Variants in CCDC85A observed in about 807,000 individuals in gnomAD.
CCDC85A encodes the protein coiled-coil domain-containing protein 85A.
In CCDC85A, 38 loss-of-function variants were observed where a neutral mutation model predicts 50.2. That is an observed-to-expected ratio of 0.76 (90% CI 0.58 to 0.99). CCDC85A has a LOEUF of 0.99. Ranked by LOEUF, CCDC85A falls within the 50% of genes least tolerant of loss-of-function variation. The pLI is 0.00. For missense variants in CCDC85A, 820 were observed against 742.0 expected (o/e 1.11, Z -1.22); for synonymous variants, 366 against 301.4 (o/e 1.21, Z -2.22).
chr2:56,344,125 A>G (rs575387961), intron 3 of CCDC85A, among the ~76,000 whole-genome samples: 29 of 152,286 alleles, frequency 1.9e-4, no homozygotes, highest in African/African-American at 6.7e-4. Context: ...GATGCCTGAA[A>G]CCACGGATAG....
At chr2:56,365,986 A>T (rs955937973) in intron 3 of CCDC85A, among the ~76,000 whole-genome samples, 1 of 152,056 alleles carries the variant, frequency 6.6e-6, no homozygotes, top group Non-Finnish European at 1.5e-5. Flanking sequence ...TTAAGATTTC[A>T]TATATGAGTA....
At chr2:56,232,329 T>C (rs1177157698) in intron 2 of CCDC85A, among the ~76,000 whole-genome samples, 1 of 152,134 alleles carries the variant, frequency 6.6e-6, no homozygotes, top group Non-Finnish European at 1.5e-5. Flanking sequence ...ATGGTACCGC[T>C]CAATTGTTCA....
At chr2:56,223,059 T>C (rs781005068) in intron 2 of CCDC85A, among the ~76,000 whole-genome samples, 83 of 152,158 alleles carry the variant, frequency 5.5e-4, no homozygotes, top group Non-Finnish European at 1.1e-3. Flanking sequence ...TGAAAAAGCA[T>C]GTATTTAAGA....
intron 5 of CCDC85A, among the ~76,000 whole-genome samples, chr2:56,379,304 C>T (rs1676476560): frequency 6.6e-6 from 1 of 152,156 alleles, no homozygotes; most frequent in Non-Finnish European, 1.5e-5. Context: ...TGACCAGTTT[C>T]ACCTGTCACT....
chr2:56,243,772 T>A (rs1669376450), intron 2 of CCDC85A, among the ~76,000 whole-genome samples: 1 of 152,184 alleles, frequency 6.6e-6, no homozygotes, highest in South Asian at 2.1e-4. Flanking sequence ...GTACCTATCC[T>A]TCTTAGGAAG....
At chr2:56,246,124 A>G (rs2103978629) in intron 2 of CCDC85A, among the ~76,000 whole-genome samples, 1 of 152,226 alleles carries the variant, frequency 6.6e-6, no homozygotes, top group East Asian at 1.9e-4. Context: ...GGGTTTCACC[A>G]TGTTGGTCAG....
At chr2:56,290,362 G>C (rs1671647519) in intron 2 of CCDC85A, among the ~76,000 whole-genome samples, 1 of 151,826 alleles carries the variant, frequency 6.6e-6, no homozygotes, top group African/African-American at 2.4e-5. Context: ...ATGAATATCT[G>C]TCATTTATAG....
chr2:56,200,677 T>G (rs1676696287), intron 2 of CCDC85A, among the ~76,000 whole-genome samples: 1 of 151,960 alleles, frequency 6.6e-6, no homozygotes. Context: ...GGCAGAGGAG[T>G]AGCAGGTTAC....
chr2:56,329,227 C>T (rs1400410557), intron 2 of CCDC85A, among the ~76,000 whole-genome samples: 1 of 152,148 alleles, frequency 6.6e-6, no homozygotes, highest in Admixed American at 6.5e-5. Flanking sequence ...AAAGCTCATT[C>T]CCAAATGTTT....
At chr2:56,294,922 T>G (rs1037528249) in intron 2 of CCDC85A, among the ~76,000 whole-genome samples, 1 of 152,172 alleles carries the variant, frequency 6.6e-6, no homozygotes, top group Non-Finnish European at 1.5e-5. Context: ...GTGGTATTAG[T>G]AAGTAGTAAT....
intron 3 of CCDC85A, among the ~76,000 whole-genome samples, chr2:56,371,449 A>C (rs2104389905): frequency 6.6e-6 from 1 of 152,156 alleles, no homozygotes; most frequent in Non-Finnish European, 1.5e-5. Flanking sequence ...TCTAAAGTCA[A>C]CCTCAACATT....
intron 2 of CCDC85A, among the ~76,000 whole-genome samples, chr2:56,297,584 C>T (rs1000962663): frequency 6.6e-6 from 1 of 152,128 alleles, no homozygotes; most frequent in Admixed American, 6.6e-5. Context: ...AGTGCAGGGC[C>T]ATGGAAAGCG....
At chr2:56,268,869 A>T (rs1159370216) in intron 2 of CCDC85A, among the ~76,000 whole-genome samples, 4 of 152,122 alleles carry the variant, frequency 2.6e-5, no homozygotes, top group Non-Finnish European at 5.9e-5. Flanking sequence ...TCCCTTTGAC[A>T]ATTTGAGCTT....
intron 2 of CCDC85A, among the ~76,000 whole-genome samples, chr2:56,211,453 T>C (rs1360072198): frequency 1.3e-5 from 2 of 152,210 alleles, no homozygotes; most frequent in East Asian, 3.9e-4. Flanking sequence ...CTTGCTATTA[T>C]TTTTAAAACA....
At chr2:56,303,445 T>C (rs1672297115) in intron 2 of CCDC85A, among the ~76,000 whole-genome samples, 2 of 152,090 alleles carry the variant, frequency 1.3e-5, no homozygotes, top group South Asian at 2.1e-4. Context: ...TCAGTATTTA[T>C]TGCATGAAGA....
At chr2:56,362,402 C>A (rs1263656137) in intron 3 of CCDC85A, among the ~76,000 whole-genome samples, 1 of 151,094 alleles carries the variant, frequency 6.6e-6, no homozygotes, top group Non-Finnish European at 1.5e-5. Flanking sequence ...GAGCTGGAGA[C>A]AAAAAATTGG....
At chr2:56,325,570 C>T (rs751467036) in intron 2 of CCDC85A, among the ~76,000 whole-genome samples, 1 of 152,046 alleles carries the variant, frequency 6.6e-6, no homozygotes, top group African/African-American at 2.4e-5. Context: ...TTAAATTGAA[C>T]AGAGTGAACA....
intron 2 of CCDC85A, among the ~76,000 whole-genome samples, chr2:56,213,380 A>G (rs562209684): frequency 1.3e-5 from 2 of 151,976 alleles, no homozygotes; most frequent in Non-Finnish European, 2.9e-5. Context: ...CACACCTTAT[A>G]AATACAGGTT....
chr2:56,191,773 AG>A (rs1182276849), intron 1 of CCDC85A, among the ~76,000 whole-genome samples: 6 of 152,160 alleles, frequency 3.9e-5, no homozygotes, highest in African/African-American at 1.4e-4. Context: ...TGTGGCAAGT[AG>A]GGGTTGGATG....
Sources: gnomAD v4.1 joint callset for allele counts (sites outside exome capture counted in the v4.1 genomes callset) on GRCh38, gnomAD v4.1.1 for gene constraint, MANE v1.5 for transcripts, NCBI Gene and HGNC (gene_info 2026-07-23, HGNC 2026-07-21) for gene names.